Variants in ATRX observed in about 807,000 individuals in gnomAD.
ATRX encodes the protein chromatin remodeler ATRX.
A neutral mutation model predicts 172.6 loss-of-function variants in ATRX; 12 were observed. That is an observed-to-expected ratio of 0.07 (90% CI 0.04 to 0.11). The LOEUF is 0.11. Among genes scored for constraint, ATRX ranks in the 10% least tolerant of loss-of-function variants. ATRX has a pLI of 1.00. For synonymous variants in ATRX, 674 were observed against 594.7 expected (o/e 1.13, Z -1.94); for missense variants, 1,368 against 1,767.4 (o/e 0.77, Z 4.05).
chrX:77,550,276 G>A (rs1311252165), intron 30 of ATRX, among the ~76,000 whole-genome samples: 1 of 112,037 alleles, frequency 8.9e-6, no homozygotes, highest in African/African-American at 3.2e-5. Flanking sequence ...CCATGATCAA[G>A]TGGGCTTCAT....
chrX:77,756,204 G>C (rs1466776601), intron 1 of ATRX, among the ~76,000 whole-genome samples: 3 of 111,228 alleles, frequency 2.7e-5, no homozygotes, highest in African/African-American at 9.8e-5. Context: ...CCCTCACCAA[G>C]CTCAATCTTC....
At chrX:77,539,313 A>AAT (rs2063877981) in intron 30 of ATRX, among the ~76,000 whole-genome samples, 1 of 110,847 alleles carries the variant, frequency 9.0e-6, no homozygotes, top group Non-Finnish European at 1.9e-5. Flanking sequence ...ATAAGCACTC[A>AAT]ATATATATAT....
At chrX:77,633,789 A>G (rs1030136317) in intron 17 of ATRX, 77 bp from the exon 18 acceptor site, 1 of 1,052,921 alleles carries the variant, frequency 9.5e-7, no homozygotes, top group Non-Finnish European at 1.3e-6. Context: ...TTACAATATT[A>G]TAGCTTTGTT....
chrX:77,719,220 C>G (rs782315565), intron 1 of ATRX, among the ~76,000 whole-genome samples: 33 of 111,152 alleles, frequency 3.0e-4, no homozygotes, highest in African/African-American at 1.1e-3. Flanking sequence ...GGTCTGGTAA[C>G]CAGAATACAT....
chrX:77,620,183 T>C (rs781854322), intron 20 of ATRX, among the ~76,000 whole-genome samples: 2 of 112,255 alleles, frequency 1.8e-5, no homozygotes, highest in Non-Finnish European at 1.9e-5. Flanking sequence ...ACATTCACAA[T>C]AGCGTATCTC....
In ATRX at chrX:77,693,804, T is replaced by C; in HGVS notation, c.484+20A>G. On this transcript the variant is annotated intron_variant, in intron 6 of 34. Coordinates refer to ENST00000373344, the MANE Select transcript of ATRX (RefSeq NM_000489.6). ...ATAAACAGCAATTTAAATTCATGTT[T>C]CATTTTCACTTGTATTTACCTCCGC... The C allele has an allele frequency of 3.5e-6, 4 of 1,148,124 alleles. No homozygotes were observed. Among genetic ancestry groups the C allele is most frequent in the Non-Finnish European group, 4.8e-6 (4 of 837,916 alleles). 94.6% of individuals were successfully genotyped at this position (1,148,124 alleles called of 1,213,427 possible).
intron 27 of ATRX, among the ~76,000 whole-genome samples, chrX:77,579,876 C>A (rs180861853): frequency 8.9e-6 from 1 of 111,937 alleles, no homozygotes; most frequent in East Asian, 2.8e-4. Context: ...AGAGAGAACA[C>A]AAAATAGCTG....
At chrX:77,650,742 A>T (rs1403417950) in intron 15 of ATRX, among the ~76,000 whole-genome samples, 1 of 110,048 alleles carries the variant, frequency 9.1e-6, no homozygotes, top group African/African-American at 3.3e-5. Context: ...GCACCACCAT[A>T]CCTGGCTAAT....
At chrX:77,636,907 AGAAG>A (rs782074919) in intron 15 of ATRX, among the ~76,000 whole-genome samples, 1 of 100,470 alleles carries the variant, frequency 1.0e-5, no homozygotes, top group Admixed American at 1.1e-4. Flanking sequence ...AAGAAGAAGA[AGAAG>A]GAAGAAGGAA....
intron 22 of ATRX, among the ~76,000 whole-genome samples, chrX:77,611,491 T>G (rs1329974955): frequency 9.0e-6 from 1 of 111,597 alleles, no homozygotes; most frequent in African/African-American, 3.3e-5. Context: ...CAGCTTGAAG[T>G]ACACTATTCC....
chrX:77,762,155 T>A (rs782484419), intron 1 of ATRX, among the ~76,000 whole-genome samples: 1 of 108,824 alleles, frequency 9.2e-6, no homozygotes, highest in Non-Finnish European at 1.9e-5. Context: ...ACAAAAAAAA[T>A]TAGCCAGGCG....
intron 34 of ATRX, among the ~76,000 whole-genome samples, chrX:77,515,512 G>A (rs2063022464): frequency 1.8e-5 from 2 of 110,880 alleles, no homozygotes; most frequent in Admixed American, 9.5e-5. Context: ...AGATACATGT[G>A]CCCTCTGCCT....
intron 28 of ATRX, among the ~76,000 whole-genome samples, chrX:77,571,248 G>A (rs967082402): frequency 1.8e-5 from 2 of 111,801 alleles, no homozygotes; most frequent in Admixed American, 9.5e-5. Context: ...ACAAAAAGCT[G>A]GAACACAGTG....
intron 19 of ATRX, among the ~76,000 whole-genome samples, chrX:77,629,011 G>A (rs977161994): frequency 8.9e-6 from 1 of 111,959 alleles, no homozygotes; most frequent in African/African-American, 3.2e-5. Context: ...TCTTAACTCT[G>A]GTCAGCTCTA....
At chrX:77,700,307 T>C (rs539035645) in intron 2 of ATRX, among the ~76,000 whole-genome samples, 2 of 112,104 alleles carry the variant, frequency 1.8e-5, no homozygotes, top group Middle Eastern at 4.7e-3. Flanking sequence ...CCTATTAGAA[T>C]AGCCAAAATC....
intron 30 of ATRX, among the ~76,000 whole-genome samples, chrX:77,549,778 T>A (rs1482934076): frequency 8.9e-6 from 1 of 111,809 alleles, no homozygotes; most frequent in Non-Finnish European, 1.9e-5. Flanking sequence ...GCTATTATAT[T>A]TCCAAAAGGG....
intron 28 of ATRX, among the ~76,000 whole-genome samples, chrX:77,563,349 C>T: frequency 8.9e-6 from 1 of 112,503 alleles, no homozygotes; most frequent in East Asian, 2.8e-4. Flanking sequence ...GCTATGCTCT[C>T]TCCATTTAAT....
chrX:77,669,247 A>G (rs2070421892), intron 10 of ATRX, among the ~76,000 whole-genome samples: 2 of 111,839 alleles, frequency 1.8e-5, no homozygotes, highest in Non-Finnish European at 3.8e-5. Context: ...CTGTGCCAGC[A>G]CTATACCCTC....
chrX:77,700,701 C>A (rs1157308469), intron 2 of ATRX, among the ~76,000 whole-genome samples: 4 of 112,284 alleles, frequency 3.6e-5, no homozygotes, highest in African/African-American at 1.3e-4. Context: ...GAATATTATT[C>A]AGCACTAGAA....
Sources: allele counts gnomAD v4.1 joint callset (sites outside exome capture counted in the v4.1 genomes callset), GRCh38; gene constraint gnomAD v4.1.1; transcripts MANE v1.5; gene names NCBI Gene and HGNC (gene_info 2026-07-23, HGNC 2026-07-21).